The following PRKN variants were observed in gnomAD, a reference collection of about 807,000 sequenced individuals.
PRKN encodes the protein E3 ubiquitin-protein ligase parkin.
In PRKN, 56 loss-of-function variants were observed where a neutral mutation model predicts 59.5. The observed-to-expected ratio is 0.94, with a 90% CI of 0.76 to 1.18. PRKN has a LOEUF of 1.18. Among genes scored for constraint, PRKN ranks in the 50% most tolerant of loss-of-function variants. The pLI is 0.00. For synonymous variants in PRKN, 250 were observed against 222.1 expected (o/e 1.13, Z -1.12); for missense variants, 657 against 596.4 (o/e 1.10, Z -1.06).
At chr6:162,599,583 A>G (rs1451606518) in intron 1 of PRKN, among the ~76,000 whole-genome samples, 1 of 152,182 alleles carries the variant, frequency 6.6e-6, no homozygotes, top group Admixed American at 6.5e-5. Flanking sequence ...TGCTGGAGAA[A>G]GATCCTGTCA....
intron 1 of PRKN, among the ~76,000 whole-genome samples, chr6:162,665,968 G>A (rs757817799): frequency 7.8e-4 from 119 of 152,266 alleles, no homozygotes; most frequent in Non-Finnish European, 1.2e-3. Flanking sequence ...TGGAAAACTG[G>A]CTCGACATAT....
chr6:161,990,114 T>C (rs1781588642), intron 5 of PRKN, among the ~76,000 whole-genome samples: 1 of 152,016 alleles, frequency 6.6e-6, no homozygotes, highest in African/African-American at 2.4e-5. Context: ...TGCCAGCACA[T>C]AAGCAGACTA....
At chr6:161,573,755 AATATATATATATATATATATATATATAT>A (rs1225362601) in intron 7 of PRKN, among the ~76,000 whole-genome samples, 20 of 30,364 alleles carry the variant, frequency 6.6e-4, no homozygotes, top group Admixed American at 1.3e-3. Flanking sequence ...AAAAAAAAAA[AATATATATATATATATATATATATATAT>A]ATATATATAT....
intron 3 of PRKN, among the ~76,000 whole-genome samples, chr6:162,228,674 G>T (rs1162752717): frequency 2.0e-5 from 3 of 152,208 alleles, no homozygotes; most frequent in East Asian, 3.9e-4. Context: ...GCTATTCAAA[G>T]CTTATTAAAA....
chr6:162,702,929 T>C (rs1778209397), intron 1 of PRKN, among the ~76,000 whole-genome samples: 1 of 152,156 alleles, frequency 6.6e-6, no homozygotes, highest in African/African-American at 2.4e-5. Context: ...GATTTAACCA[T>C]AAAGGAATAC....
chr6:161,970,048 T>C lies in PRKN; in HGVS notation c.734+3254A>G, dbSNP rs185379657. On this transcript the variant is annotated intron_variant, in intron 6 of 11. Transcript: ENST00000366898. ...CAGAGAAAATTTATTATGATTTTCA[T>C]TTTTTATTTTTTTGAGACAGGGTCT... Among the ~76,000 whole-genome samples the C allele has an allele frequency of 2.0e-5, 3 of 152,254 alleles. No homozygotes were observed. In the East Asian group the frequency reaches 5.8e-4, roughly 29 times the overall value.
At chr6:161,398,334 A>G (rs757921140) in intron 9 of PRKN, among the ~76,000 whole-genome samples, 1 of 152,100 alleles carries the variant, frequency 6.6e-6, no homozygotes, top group Non-Finnish European at 1.5e-5. Flanking sequence ...AACTAAATTC[A>G]CATCACAGCA....
At chr6:162,003,276 A>G (rs1413067543) in intron 5 of PRKN, among the ~76,000 whole-genome samples, 1 of 151,846 alleles carries the variant, frequency 6.6e-6, no homozygotes, top group Non-Finnish European at 1.5e-5. Context: ...GGACTTATAT[A>G]TGAGGACCTC....
At chr6:161,425,928 T>C (rs915079774) in intron 9 of PRKN, among the ~76,000 whole-genome samples, 1 of 152,026 alleles carries the variant, frequency 6.6e-6, no homozygotes, top group Non-Finnish European at 1.5e-5. Flanking sequence ...AGTGCAGTGG[T>C]CTGTCCTGTC....
rs2115442320 is a variant in PRKN, at chr6:161,554,329, T to A, written c.934-5326A>T. 6.6e-6 allele frequency among the ~76,000 whole-genome samples: 1 copy of A among 152,068 alleles called. No individual in the cohort carries two copies. Among genetic ancestry groups the A allele is most frequent in the East Asian group, 1.9e-4 (1 of 5,180 alleles). On this transcript the variant is annotated intron_variant, in intron 8 of 11. Coordinates refer to ENST00000366898, the MANE Select transcript of PRKN (RefSeq NM_004562.3). This position sits in a 1 kb window ranked among gnomAD's most constrained non-coding sequence, Gnocchi z 4.5. ...AAATTTTTAAAATAATTATACTGTA[T>A]CCACACTGTTAACACATGCGGCCAT...
chr6:162,057,777 C>A (rs1479119175), intron 4 of PRKN, among the ~76,000 whole-genome samples: 7 of 152,172 alleles, frequency 4.6e-5, no homozygotes, highest in African/African-American at 1.7e-4. Flanking sequence ...ATGACAGGAG[C>A]AAAGTTAAAC....
chr6:162,070,418 C>G (rs1372431040), intron 4 of PRKN, among the ~76,000 whole-genome samples: 1 of 152,152 alleles, frequency 6.6e-6, no homozygotes, highest in African/African-American at 2.4e-5. Context: ...GTAAGTTTGA[C>G]TCTGCTCTAT....
At chr6:162,251,605 C>T (rs144934249) in intron 3 of PRKN, among the ~76,000 whole-genome samples, 54 of 152,098 alleles carry the variant, frequency 3.6e-4, no homozygotes, top group Non-Finnish European at 6.9e-4. Context: ...ACCAAATATT[C>T]GAAATAAAAA....
chr6:161,493,100 G>A (rs1239834946), intron 9 of PRKN, among the ~76,000 whole-genome samples: 1 of 152,130 alleles, frequency 6.6e-6, no homozygotes, highest in African/African-American at 2.4e-5. Context: ...TGTACTTATT[G>A]CAAGGTGACC....
At chr6:161,832,667 C>T (rs184012969) in intron 6 of PRKN, among the ~76,000 whole-genome samples, 450 of 151,248 alleles carry the variant, frequency 3.0e-3, no homozygotes, top group Admixed American at 5.9e-3. Context: ...TGTATACCCG[C>T]GGAACTGTAA....
chr6:162,698,586 C>T (rs1778048278), intron 1 of PRKN, among the ~76,000 whole-genome samples: 3 of 152,234 alleles, frequency 2.0e-5, no homozygotes, highest in South Asian at 4.1e-4. Flanking sequence ...GCAAGTTTCT[C>T]CCCAGGTGTG....
intron 1 of PRKN, among the ~76,000 whole-genome samples, chr6:162,608,184 G>A (rs1781999775): frequency 6.6e-6 from 1 of 152,210 alleles, no homozygotes; most frequent in Admixed American, 6.5e-5. Context: ...ATGGACCAGG[G>A]AGTCAGGTGG....
At chr6:161,403,683 C>T (rs987070283) in intron 9 of PRKN, among the ~76,000 whole-genome samples, 12 of 152,242 alleles carry the variant, frequency 7.9e-5, no homozygotes, top group Admixed American at 7.8e-4. Context: ...GCCTAGATGA[C>T]TTGGAATAGG....
At chr6:161,689,467 A>C (rs928498173) in intron 7 of PRKN, among the ~76,000 whole-genome samples, 4 of 152,158 alleles carry the variant, frequency 2.6e-5, no homozygotes, top group Non-Finnish European at 5.9e-5. Context: ...ACTGTTCAGC[A>C]CCCTGTAGGG....
Sources: gnomAD v4.1 joint callset for allele counts (sites outside exome capture counted in the v4.1 genomes callset) on GRCh38, gnomAD v4.1.1 for gene constraint, Gnocchi (gnomAD v3.1) non-coding constraint, MANE v1.5 for transcripts, NCBI Gene and HGNC (gene_info 2026-07-23, HGNC 2026-07-21) for gene names.